Variants in BCAS1 observed in about 807,000 individuals in gnomAD.
The protein encoded by BCAS1 is breast carcinoma-amplified sequence 1.
A neutral mutation model predicts 65.4 loss-of-function variants in BCAS1; 46 were observed. The ratio of observed to expected loss-of-function variants is 0.70; its 90% CI spans 0.55 to 0.90. The LOEUF is 0.90. Among genes scored for constraint, BCAS1 ranks in the 40% least tolerant of loss-of-function variants. The probability of loss-of-function intolerance (pLI) is 0.00; values close to 1 mark genes in which losing one functional copy is unlikely to be tolerated. For synonymous variants in BCAS1, 298 were observed against 293.5 expected (o/e 1.02, Z -0.16); for missense variants, 793 against 771.2 (o/e 1.03, Z -0.33).
At chr20:54,059,360 T>A (rs2092347788) in intron 1 of BCAS1, among the ~76,000 whole-genome samples, 1 of 152,216 alleles carries the variant, frequency 6.6e-6, no homozygotes, top group African/African-American at 2.4e-5. Context: ...TCAGTGTAGA[T>A]AGCATTTTTT....
At chr20:54,061,132 T>A in intron 1 of BCAS1, among the ~76,000 whole-genome samples, 1 of 152,248 alleles carries the variant, frequency 6.6e-6, no homozygotes, top group East Asian at 1.9e-4. Flanking sequence ...AGAGGTATCA[T>A]GATTTCATTC....
At chr20:54,028,309 A>G (rs1477252596) in intron 4 of BCAS1, 83 bp downstream of exon 4, 1 of 1,436,246 alleles carries the variant, frequency 7.0e-7, no homozygotes, top group East Asian at 2.3e-5. Flanking sequence ...GCCCAGGGTG[A>G]CTGCATATGT....
rs1300020945 is a variant in BCAS1, at chr20:53,944,285, A to G, written c.*637T>C. The G allele has an allele frequency of 1.3e-5, 2 of 150,662 alleles. No homozygotes were observed. Among genetic ancestry groups the G allele is most frequent in the Non-Finnish European group, 2.9e-5 (2 of 67,892 alleles). 9.3% of individuals were successfully genotyped at this position (150,662 alleles called of 1,614,324 possible). A position where few individuals can be genotyped will look rare whatever the true frequency, so the allele number is the denominator to read the frequency against. ...ACAACGCTTAATTCCTTCTAGCAGC[A>G]TTTCTCTTCTATAACTTACTTGCCA... On this transcript the variant is annotated 3_prime_UTR_variant, in exon 13 of 13. Coordinates refer to ENST00000688948, the MANE Select transcript of BCAS1 (RefSeq NM_001366298.2).
rs1354279279 is a variant in BCAS1, at chr20:53,957,611, A to T, written c.1486-114T>A. Reference sequence around the variant, plus strand: ...TTTATCATTGAGGTTTGGGGTCAAGACAAATGGAAGGCCAACTGGAAACAT... The same window carrying T: ...TTTATCATTGAGGTTTGGGGTCAAGTCAAATGGAAGGCCAACTGGAAACAT... On this transcript the variant is annotated intron_variant, in intron 10 of 12. Transcript: ENST00000688948. The T allele has an allele frequency of 7.2e-6, 7 of 970,282 alleles. No individual in the cohort carries two copies. The Admixed American group carries it at 9.4e-5, about 13-fold the overall frequency. The allele number at this position is 970,282 out of a possible 1,614,324, so 60.1% of individuals were successfully genotyped here.
intron 4 of BCAS1, among the ~76,000 whole-genome samples, chr20:54,008,924 C>T (rs935419017): frequency 5.9e-5 from 9 of 152,204 alleles, no homozygotes; most frequent in Admixed American, 3.9e-4. Flanking sequence ...AGCAATTCTC[C>T]TGCCTCAGCC....
intron 3 of BCAS1, 87 bp downstream of exon 3, chr20:54,057,998 A>ATTT (rs796265852): frequency 2.3e-4 from 188 of 825,148 alleles, no homozygotes; most frequent in South Asian, 5.1e-4. Context: ...CGACCCTTTC[A>ATTT]TTTTTTTTTT....
At chr20:54,031,746 C>T (rs62215572) in intron 3 of BCAS1, among the ~76,000 whole-genome samples, 4,291 of 151,174 alleles carry the variant, frequency 0.028, 265 homozygotes, top group Non-Finnish European at 0.04. Context: ...CCCCAACTTA[C>T]GCCAGTTGAA....
intron 12 of BCAS1, among the ~76,000 whole-genome samples, chr20:53,945,639 A>T (rs6091785): frequency 0.042 from 6,344 of 152,182 alleles, 367 homozygotes; most frequent in African/African-American, 0.13. Flanking sequence ...TTTGTCTAAC[A>T]TCTGTCTTCT....
chr20:54,060,400 C>T (rs371158526), intron 1 of BCAS1, among the ~76,000 whole-genome samples: 1 of 152,302 alleles, frequency 6.6e-6, no homozygotes, highest in South Asian at 2.1e-4. Flanking sequence ...GCAACCTCCG[C>T]CTTCTGGGTT....
chr20:54,021,311 G>C (rs1356046670), intron 4 of BCAS1, among the ~76,000 whole-genome samples: 2 of 151,278 alleles, frequency 1.3e-5, no homozygotes, highest in Admixed American at 1.3e-4. Context: ...TATCACAATA[G>C]AGTCACACAC....
chr20:54,036,482 G>T (rs914960439), intron 3 of BCAS1, among the ~76,000 whole-genome samples: 2 of 151,078 alleles, frequency 1.3e-5, no homozygotes, highest in African/African-American at 4.9e-5. Flanking sequence ...TGCCATCTTC[G>T]TGTAATTGTT....
At chr20:53,991,510 T>C (rs2090758887) in intron 7 of BCAS1, among the ~76,000 whole-genome samples, 1 of 152,196 alleles carries the variant, frequency 6.6e-6, no homozygotes, top group African/African-American at 2.4e-5. Flanking sequence ...ATGGCTGATA[T>C]TTTAAACAAA....
chr20:54,035,211 G>C (rs1337410398), intron 3 of BCAS1, among the ~76,000 whole-genome samples: 1 of 150,512 alleles, frequency 6.6e-6, no homozygotes, highest in Non-Finnish European at 1.5e-5. Flanking sequence ...AGGAGATCGA[G>C]AACACGGTGA....
At chr20:53,992,172 G>C (rs1289253848) in intron 7 of BCAS1, among the ~76,000 whole-genome samples, 2 of 152,048 alleles carry the variant, frequency 1.3e-5, no homozygotes, top group African/African-American at 4.8e-5. Flanking sequence ...AATTTAAATA[G>C]AAAATAGGTC....
chr20:53,996,039 G>T lies in BCAS1; in HGVS notation c.735C>A (p.Asp245Glu). The T allele has an allele frequency of 6.2e-7, 1 of 1,601,198 alleles. No homozygotes were observed. Among genetic ancestry groups the T allele is most frequent in the Non-Finnish European group, 8.5e-7 (1 of 1,173,536 alleles). Residue 245 changes from aspartate (D) to glutamate (E), a missense_variant, in exon 5 of 13, where the codon GAC becomes GAA. Coordinates refer to ENST00000688948, the MANE Select transcript of BCAS1 (RefSeq NM_001366298.2). ...GTTCTTGTCCTTCTTTTTCCTTGCC[G>T]TCAACTATGTCCTAGGGGCAAAACA... ...DDVPAGKDIV[D>E]GKEKEGQELG...
At chr20:54,031,980 A>G (rs2091810963) in intron 3 of BCAS1, among the ~76,000 whole-genome samples, 1 of 151,200 alleles carries the variant, frequency 6.6e-6, no homozygotes, top group African/African-American at 2.4e-5. Flanking sequence ...CAGGAAATGC[A>G]GAGAACCCCA....
intron 2 of BCAS1, among the ~76,000 whole-genome samples, 163 bp from the exon 3 acceptor site, chr20:54,058,317 C>T (rs1246761449): frequency 1.3e-5 from 2 of 152,096 alleles, no homozygotes; most frequent in African/African-American, 4.8e-5. Context: ...CTTGGAGAAC[C>T]AAAATAACTC....
intron 4 of BCAS1, among the ~76,000 whole-genome samples, chr20:54,025,164 C>T (rs158547): frequency 6.6e-6 from 1 of 152,232 alleles, no homozygotes; most frequent in African/African-American, 2.4e-5. Context: ...CGCCCCACAC[C>T]CCCACTCAAC....
intron 4 of BCAS1, among the ~76,000 whole-genome samples, chr20:53,997,766 T>C (rs1030221848): frequency 6.6e-5 from 10 of 152,134 alleles, no homozygotes; most frequent in African/African-American, 2.4e-4. Flanking sequence ...ACCTAAAACG[T>C]ATCCGGGCTG....
Sources: allele counts gnomAD v4.1 joint callset (sites outside exome capture counted in the v4.1 genomes callset), GRCh38; gene constraint gnomAD v4.1.1; transcripts MANE v1.5; gene names NCBI Gene and HGNC (gene_info 2026-07-23, HGNC 2026-07-21).